WDFY3: variants seen among roughly 807,000 people sequenced by gnomAD.
The protein encoded by WDFY3 is WD repeat and FYVE domain-containing protein 3.
In WDFY3, 66 loss-of-function variants were observed where a neutral mutation model predicts 409.6. The ratio of observed to expected loss-of-function variants is 0.16; its 90% CI spans 0.13 to 0.20. The LOEUF (loss-of-function observed/expected upper bound fraction) is 0.20. Ranked by LOEUF, WDFY3 falls within the 10% of genes least tolerant of loss-of-function variation. The pLI is 1.00. For missense variants in WDFY3, 3,031 were observed against 4,298.1 expected, an observed-to-expected ratio of 0.71 and a Z score of 8.24; for synonymous variants, 1,521 against 1,537.1, an observed-to-expected ratio of 0.99 and a Z score of 0.25.
intron 49 of WDFY3, among the ~76,000 whole-genome samples, chr4:84,716,106 C>G (rs1733847146): frequency 6.6e-6 from 1 of 152,108 alleles, no homozygotes; most frequent in Non-Finnish European, 1.5e-5. Context: ...ATCCACATGA[C>G]CTGAGTCTGT....
Position 84,733,638 on chromosome 4 carries a change from C to T in WDFY3, c.6994-29G>A, listed in dbSNP as rs772355549. On this transcript the variant is annotated intron_variant, in intron 43 of 67. Transcript: ENST00000295888. ...ACAGGAAAGAGTCCAGGTCGGTTTT[C>T]AAGCAAAAGCAGGAGTAACAGTAAC... is the stretch of plus-strand genomic sequence containing the variant. 3 of 1,574,328 alleles carry T rather than the reference C, an allele frequency of 1.9e-6. No individual in the cohort carries two copies. In the South Asian group the frequency reaches 3.4e-5, roughly 18 times the overall value.
Position 84,688,251 on chromosome 4 carries a change from G to A in WDFY3, c.9378C>T (p.His3126=). The change falls in exon 62 of 68, where the codon CAC becomes CAT. Residue 3126 remains histidine (H), a synonymous_variant. Coordinates refer to ENST00000295888, the MANE Select transcript of WDFY3 (RefSeq NM_014991.6). Reference sequence around the variant, plus strand: ...CTGTGGCGCAGGTGACGGTATCAGTGTGGCCCAGTAAGGCCTACGAATGAG... The same window carrying A: ...CTGTGGCGCAGGTGACGGTATCAGTATGGCCCAGTAAGGCCTACGAATGAG... ...TVTLKQALLG[H]TDTVTCATAS... 6.2e-7 allele frequency: 1 copy of A among 1,613,970 alleles called. No individual in the cohort carries two copies. Among genetic ancestry groups the A allele is most frequent in the Non-Finnish European group, 8.5e-7 (1 of 1,179,916 alleles).
chr4:84,803,117 A>T (rs1243270517), intron 16 of WDFY3, 173 bp downstream of exon 16: 4 of 636,654 alleles, frequency 6.3e-6, no homozygotes, highest in African/African-American at 5.6e-5. Context: ...ATACATATCT[A>T]CCATTTATCA....
chr4:84,760,077 T>A (rs1011323870), intron 32 of WDFY3, among the ~76,000 whole-genome samples: 4 of 151,372 alleles, frequency 2.6e-5, no homozygotes, highest in East Asian at 1.9e-4. Context: ...GGTTTTTGTC[T>A]TTGGTTCTGT....
intron 5 of WDFY3, chr4:84,844,494 A>G (rs2150058370): frequency 7.8e-7 from 1 of 1,289,676 alleles, no homozygotes; most frequent in Middle Eastern, 2.1e-4. Flanking sequence ...GGGGGACAGC[A>G]GGGCACACTG....
Position 84,782,997 on chromosome 4 carries a change from T to G in WDFY3, c.4140A>C (p.Ala1380=). 1 of 1,614,158 alleles carries G rather than the reference T, an allele frequency of 6.2e-7. No homozygotes were observed. The highest frequency in any genetic ancestry group is 8.5e-7 in the Non-Finnish European group (1 of 1,180,028). Residue 1380 remains alanine (A), a synonymous_variant, in exon 25 of 68, where the codon GCA becomes GCC. Coordinates refer to ENST00000295888, the MANE Select transcript of WDFY3 (RefSeq NM_014991.6). ...CAATCAGAGCGGCCCCAATTGTCCG[T>G]GCAGATCCATTAAGATGTCCTGCTG... ...HNSAGHLNGS[A]RTIGAALIGY...
chr4:84,753,901 CACTATGTT>C lies in WDFY3; in HGVS notation c.5560-33_5560-26del, dbSNP rs1254721485. ...GCTGTTATGGGGACATGAGAGGAAA[CACTATGTT>C]ACAGTTATTGACACTGCTATAAATT... On this transcript the variant is annotated intron_variant, in intron 34 of 67. Coordinates refer to ENST00000295888, the MANE Select transcript of WDFY3 (RefSeq NM_014991.6). The C allele has an allele frequency of 1.9e-5, 30 of 1,541,744 alleles. No homozygotes were observed. In the Admixed American group the frequency reaches 3.5e-4, roughly 18 times the overall value.
intron 38 of WDFY3, 118 bp downstream of exon 38, chr4:84,741,643 C>T: frequency 8.2e-7 from 1 of 1,213,800 alleles, no homozygotes; most frequent in Non-Finnish European, 1.1e-6. Flanking sequence ...ATAAGCTTAG[C>T]TTTTTCTTAA....
intron 5 of WDFY3, 104 bp from the exon 6 acceptor site, chr4:84,841,367 T>A: frequency 1.1e-6 from 1 of 895,832 alleles, no homozygotes; most frequent in Non-Finnish European, 1.7e-6. Context: ...AGCACATAAT[T>A]ATATCAGCAC....
At chr4:84,745,326 T>C (rs1054268772) in intron 36 of WDFY3, among the ~76,000 whole-genome samples, 1 of 152,210 alleles carries the variant, frequency 6.6e-6, no homozygotes, top group Non-Finnish European at 1.5e-5. Flanking sequence ...ATGTTTTAGA[T>C]TCAGGCACAG....
intron 34 of WDFY3, 32 bp from the exon 35 acceptor site, chr4:84,753,908 T>C (rs777119354): frequency 6.0e-5 from 92 of 1,524,980 alleles, no homozygotes; most frequent in Non-Finnish European, 8.0e-5. Flanking sequence ...AAACACTATG[T>C]TACAGTTATT....
intron 5 of WDFY3, among the ~76,000 whole-genome samples, chr4:84,848,352 A>G (rs780067198): frequency 2.0e-5 from 3 of 152,156 alleles, no homozygotes. Flanking sequence ...TATAAAAGAA[A>G]ATTTTTTAAA....
In WDFY3 at chr4:84,678,934, T is replaced by C. The variant is rs749872678; in HGVS notation, c.10132A>G (p.Ser3378Gly). 2.5e-6 allele frequency: 4 copies of C among 1,612,808 alleles called. No individual in the cohort carries two copies. The highest frequency in any genetic ancestry group is 3.4e-6 in the Non-Finnish European group (4 of 1,179,278). The change falls in exon 65 of 68, where the codon AGC (serine) becomes GGC (glycine). Residue 3378 changes from serine to glycine, a missense_variant. Coordinates refer to ENST00000295888, the MANE Select transcript of WDFY3 (RefSeq NM_014991.6). ...HPNPIEVRNY[S>G]RLKPGYRWER... The stretch of plus-strand genomic sequence containing the variant: ...TTCAAGTTACCAGGTTTCAATCTGC[T>C]GTAATTCCGCACCTCAATGGGATTG...
At position 84,698,135 on chromosome 4, in the gene WDFY3, T is replaced by C. The variant is rs755981081; in HGVS notation, c.8597-1312A>G. On this transcript the variant is annotated intron_variant, in intron 56 of 67. Transcript: ENST00000295888. Reference sequence around the variant, plus strand: ...AAACAGGTAAAAAGGCTACTTGAGATAGAAATTACTTTTCCAAATTTTGCT... The same window carrying C: ...AAACAGGTAAAAAGGCTACTTGAGACAGAAATTACTTTTCCAAATTTTGCT... Among the ~76,000 whole-genome samples the C allele has an allele frequency of 1.1e-4, 17 of 152,252 alleles. No individual in the cohort carries two copies. The South Asian group carries it at 1.7e-3, about 15-fold the overall frequency.
At chr4:84,686,830 G>A (rs996371920) in intron 62 of WDFY3, among the ~76,000 whole-genome samples, 7 of 152,098 alleles carry the variant, frequency 4.6e-5, no homozygotes, top group African/African-American at 1.7e-4. Flanking sequence ...AAGCTTGTGA[G>A]GCCTTAGTCT....
chr4:84,885,328 ATATGTGTGTG>A (rs1392265010), intron 3 of WDFY3, among the ~76,000 whole-genome samples: 4 of 80,876 alleles, frequency 4.9e-5, no homozygotes, highest in Non-Finnish European at 7.4e-5. Context: ...ATACATATAC[ATATGTGTGTG>A]TGTGTGTGTG....
intron 15 of WDFY3, among the ~76,000 whole-genome samples, chr4:84,807,334 G>A (rs1751684279): frequency 6.6e-6 from 1 of 152,108 alleles, no homozygotes; most frequent in South Asian, 2.1e-4. Flanking sequence ...ATAGTTTGTT[G>A]TGCAAAGTAA....
intron 27 of WDFY3, among the ~76,000 whole-genome samples, chr4:84,777,096 T>C (rs1329785949): frequency 6.6e-6 from 1 of 152,014 alleles, no homozygotes; most frequent in Non-Finnish European, 1.5e-5. Context: ...ATTTCAAGAC[T>C]TGGTGACTAG....
intron 1 of WDFY3, among the ~76,000 whole-genome samples, chr4:84,963,017 A>G (rs924378610): frequency 6.6e-6 from 1 of 151,804 alleles, no homozygotes; most frequent in African/African-American, 2.4e-5. Context: ...AATACACCAC[A>G]CACACCAAGG....
Sources: allele counts gnomAD v4.1 joint callset (sites outside exome capture counted in the v4.1 genomes callset), GRCh38; gene constraint gnomAD v4.1.1; transcripts MANE v1.5; gene names NCBI Gene and HGNC (gene_info 2026-07-23, HGNC 2026-07-21).